ZNF892: variants seen among roughly 807,000 people sequenced by gnomAD.
The protein encoded by ZNF892 is zinc finger protein 892.
At chr2:95,224,234 C>G in the ZNF892 span, among the ~76,000 whole-genome samples, 1 of 152,228 alleles carries the variant, frequency 6.6e-6, no homozygotes, top group African/African-American at 2.4e-5. Flanking sequence ...CTCCCCAGCA[C>G]TAGGCAACCA....
the ZNF892 span, among the ~76,000 whole-genome samples, chr2:95,225,314 C>G: frequency 6.6e-6 from 1 of 152,180 alleles, no homozygotes; most frequent in Non-Finnish European, 1.5e-5. Context: ...CAGAATACCA[C>G]AGATGGTAGT....
chr2:95,207,973 G>C, the ZNF892 span: 3 of 396,972 alleles, frequency 7.6e-6, no homozygotes, highest in South Asian at 4.2e-4. Context: ...TTGGGGTTTT[G>C]AGGGATAGCC....
At chr2:95,207,182 C>T in the ZNF892 span, among the ~76,000 whole-genome samples, 1 of 152,238 alleles carries the variant, frequency 6.6e-6, no homozygotes, top group Non-Finnish European at 1.5e-5. Context: ...GCGAGGACAC[C>T]GCCGGGCGCC....
chr2:95,245,450 C>CG, the ZNF892 span, among the ~76,000 whole-genome samples: 461 of 11,652 alleles, frequency 0.04, 16 homozygotes, highest in East Asian at 0.087. Context: ...GTAGAGACGG[C>CG]GGGGGGGGGG....
the ZNF892 span, among the ~76,000 whole-genome samples, chr2:95,208,235 G>T: frequency 3.3e-5 from 5 of 152,040 alleles, no homozygotes; most frequent in Non-Finnish European, 7.4e-5. Flanking sequence ...TCCATAAGAC[G>T]CATCACTTTT....
chr2:95,206,931 A>G, the ZNF892 span, among the ~76,000 whole-genome samples: 5 of 152,252 alleles, frequency 3.3e-5, no homozygotes, highest in African/African-American at 7.2e-5. Context: ...GTAACGAGTT[A>G]GAGTAAAAAC....
chr2:95,261,297 T>C, the ZNF892 span, among the ~76,000 whole-genome samples: 1 of 141,268 alleles, frequency 7.1e-6, no homozygotes, highest in Non-Finnish European at 1.6e-5. Flanking sequence ...TACACAATTC[T>C]TTTTTTTTTT....
At chr2:95,221,894 G>A in the ZNF892 span, among the ~76,000 whole-genome samples, 32 of 152,258 alleles carry the variant, frequency 2.1e-4, no homozygotes, top group African/African-American at 7.2e-4. Context: ...AATTGTGTGT[G>A]TGGTTATAAT....
chr2:95,249,741 A>G, the ZNF892 span, among the ~76,000 whole-genome samples: 1 of 152,084 alleles, frequency 6.6e-6, no homozygotes, highest in African/African-American at 2.4e-5. Flanking sequence ...CATATTTATT[A>G]ATAGAATGAA....
chr2:95,208,282 C>CA, the ZNF892 span, among the ~76,000 whole-genome samples: 1 of 152,178 alleles, frequency 6.6e-6, no homozygotes, highest in Non-Finnish European at 1.5e-5. Context: ...TCTGAAAAGT[C>CA]AGTGTTCAAA....
the ZNF892 span, among the ~76,000 whole-genome samples, chr2:95,245,450 C>CGGG: frequency 3.9e-3 from 46 of 11,666 alleles, 1 homozygote; most frequent in African/African-American, 9.2e-3. Context: ...GTAGAGACGG[C>CGGG]GGGGGGGGGG....
At chr2:95,233,436 G>A in the ZNF892 span, among the ~76,000 whole-genome samples, 1 of 151,222 alleles carries the variant, frequency 6.6e-6, no homozygotes, top group Admixed American at 6.6e-5. Context: ...CACTTTGGGA[G>A]GCCGAGGCGG....
the ZNF892 span, among the ~76,000 whole-genome samples, chr2:95,228,948 A>G: frequency 2.0e-5 from 3 of 152,198 alleles, no homozygotes; most frequent in East Asian, 5.8e-4. Flanking sequence ...CAGAAACTCA[A>G]AAGAATGCAA....
chr2:95,234,115 A>G, the ZNF892 span, among the ~76,000 whole-genome samples: 1 of 152,236 alleles, frequency 6.6e-6, no homozygotes, highest in Non-Finnish European at 1.5e-5. Flanking sequence ...TCCGCCTCCC[A>G]GGTTCAAGCA....
At chr2:95,216,623 AT>A in the ZNF892 span, among the ~76,000 whole-genome samples, 14 of 151,872 alleles carry the variant, frequency 9.2e-5, no homozygotes, top group Non-Finnish European at 1.9e-4. Context: ...ATCTTTTTAT[AT>A]TTTTTTCATT....
the ZNF892 span, among the ~76,000 whole-genome samples, chr2:95,254,509 C>T: frequency 3.3e-5 from 5 of 152,084 alleles, no homozygotes; most frequent in Admixed American, 1.3e-4. Context: ...ATTTTTGCGT[C>T]GATGTTCATC....
At chr2:95,206,908 G>A in the ZNF892 span, among the ~76,000 whole-genome samples, 2 of 152,168 alleles carry the variant, frequency 1.3e-5, no homozygotes, top group Admixed American at 1.3e-4. Flanking sequence ...AGACAAGCAG[G>A]ATAAAATTCA....
At chr2:95,256,050 C>T in the ZNF892 span, among the ~76,000 whole-genome samples, 1 of 152,156 alleles carries the variant, frequency 6.6e-6, no homozygotes, top group Non-Finnish European at 1.5e-5. Context: ...CAGTCTGTGT[C>T]TTTTAATTGG....
chr2:95,215,563 A>G, the ZNF892 span: 2 of 403,814 alleles, frequency 5.0e-6, no homozygotes, highest in African/African-American at 4.1e-5. Context: ...CTTAGTGAGC[A>G]TTTAACCTTT....
Sources: allele counts gnomAD v4.1 joint callset (sites outside exome capture counted in the v4.1 genomes callset), GRCh38; gene constraint gnomAD v4.1.1; transcripts MANE v1.5; gene names NCBI Gene and HGNC (gene_info 2026-07-23, HGNC 2026-07-21).